The following ADRA1B variants were observed in gnomAD, a reference collection of about 807,000 sequenced individuals.
ADRA1B encodes alpha-1B adrenergic receptor.
ADRA1B carries 17 observed loss-of-function variants against 17.9 expected under a neutral mutation model. The observed-to-expected ratio is 0.95, with a 90% confidence interval of 0.65 to 1.42. The LOEUF (loss-of-function observed/expected upper bound fraction) is 1.42. ADRA1B is among the 40% of genes most tolerant of loss of function. ADRA1B has a pLI of 0.00. For missense variants in ADRA1B, 681 were observed against 722.1 expected (o/e 0.94, Z 0.65); for synonymous variants, 366 against 327.6 (o/e 1.12, Z -1.27).
the ADRA1B span, among the ~76,000 whole-genome samples, chr5:159,986,624 C>T: frequency 6.6e-6 from 1 of 152,138 alleles, no homozygotes; most frequent in African/African-American, 2.4e-5. Context: ...CCTCCAGCCC[C>T]GTCTAACGGA....
intron 1 of ADRA1B, among the ~76,000 whole-genome samples, chr5:159,941,823 C>CAAA (rs1397121454): frequency 1.3e-5 from 2 of 151,536 alleles, no homozygotes; most frequent in Non-Finnish European, 2.9e-5. Flanking sequence ...ACAAAATGTC[C>CAAA]AAAATAGGCA....
rs1029147300 is a variant in ADRA1B, at chr5:159,972,665, C to T, written c.*173C>T. On this transcript the variant is annotated 3_prime_UTR_variant, in exon 2 of 2. Coordinates refer to ENST00000306675, the MANE Select transcript of ADRA1B (RefSeq NM_000679.4). ...GCTTTTCTGGCAGGGGCATGGGTGC[C>T]AGGTACCACGCGGAAAGCCGGGCCG... The T allele has an allele frequency of 3.3e-5, 26 of 780,410 alleles. No homozygotes were observed. The highest frequency in any genetic ancestry group is 4.6e-5 in the Non-Finnish European group (25 of 538,648). 48.3% of individuals were successfully genotyped at this position (780,410 alleles called of 1,614,324 possible). A position where few individuals can be genotyped will look rare whatever the true frequency, so the allele number is the denominator to read the frequency against.
At chr5:159,920,206 A>T (rs896116531) in intron 1 of ADRA1B, among the ~76,000 whole-genome samples, 11 of 151,988 alleles carry the variant, frequency 7.2e-5, no homozygotes, top group African/African-American at 2.4e-4. Context: ...CTGGCCAGAA[A>T]ATTTCTCAGT....
At chr5:159,908,651 C>T (rs1754192824) in intron 1 of ADRA1B, among the ~76,000 whole-genome samples, 1 of 152,146 alleles carries the variant, frequency 6.6e-6, no homozygotes, top group South Asian at 2.1e-4. Flanking sequence ...TATAGACTAT[C>T]CAGCTTCATG....
chr5:159,949,148 C>G (rs958107651), intron 1 of ADRA1B, among the ~76,000 whole-genome samples: 2 of 152,174 alleles, frequency 1.3e-5, no homozygotes, highest in Admixed American at 6.5e-5. Context: ...AATCACCTTA[C>G]TCAATTACCC....
chr5:159,957,029 C>T (rs181618516), intron 1 of ADRA1B, among the ~76,000 whole-genome samples: 25 of 152,100 alleles, frequency 1.6e-4, no homozygotes, highest in Admixed American at 3.9e-4. Context: ...TGCACCACCA[C>T]GCCCAGGTAA....
chr5:159,909,922 A>T (rs1234317913), intron 1 of ADRA1B, among the ~76,000 whole-genome samples: 1 of 152,238 alleles, frequency 6.6e-6, no homozygotes, highest in East Asian at 1.9e-4. Flanking sequence ...TAAAGAACGT[A>T]TCCACAGCTG....
chr5:159,988,844 G>C, the ADRA1B span, among the ~76,000 whole-genome samples: 15 of 152,272 alleles, frequency 9.9e-5, no homozygotes, highest in Middle Eastern at 0.01. Context: ...GCCAGGTTTG[G>C]TGATATGCAC....
chr5:159,960,982 A>G (rs1398399085), intron 1 of ADRA1B, among the ~76,000 whole-genome samples: 1 of 152,222 alleles, frequency 6.6e-6, no homozygotes, highest in Non-Finnish European at 1.5e-5. Context: ...TAATCAGAGG[A>G]GATGAGAATA....
At chr5:159,934,538 C>T (rs1754901431) in intron 1 of ADRA1B, among the ~76,000 whole-genome samples, 1 of 152,030 alleles carries the variant, frequency 6.6e-6, no homozygotes, top group Non-Finnish European at 1.5e-5. Context: ...TGGTGGCTCA[C>T]TCCTATACTC....
At chr5:159,902,217 T>C (rs1754109516) in intron 1 of ADRA1B, among the ~76,000 whole-genome samples, 1 of 152,234 alleles carries the variant, frequency 6.6e-6, no homozygotes, top group Non-Finnish European at 1.5e-5. Flanking sequence ...GAGGACATTA[T>C]GCTAAGTTAA....
rs1419677254 is a variant in ADRA1B, at chr5:159,972,037, C to T, written c.1108C>T (p.Arg370Cys). The change falls in exon 2 of 2, where the codon CGC becomes TGC. Residue 370 changes from arginine (R) to cysteine (C), a missense_variant. Physicochemically the swap from Arg to Cys is radical, Grantham distance 180. This residue lies in a region of ADRA1B where 424 missense variants were observed against 480.2 expected (regional missense o/e 0.88). Coordinates refer to ENST00000306675, the MANE Select transcript of ADRA1B (RefSeq NM_000679.4). ...CATCCTCGGGTGCCAGTGCCGCGGC[C>T]GCGGCCGCCGCCGACGCCGCCGCCG... ...VRILGCQCRG[R>C]GRRRRRRRRR... is the part of the protein sequence containing the mutation. 5.8e-6 allele frequency: 8 copies of T among 1,383,992 alleles called. No homozygotes were observed. The highest frequency in any genetic ancestry group is 7.5e-6 in the Non-Finnish European group (8 of 1,068,512). 85.7% of individuals were successfully genotyped at this position (1,383,992 alleles called of 1,614,324 possible). A position where few individuals can be genotyped will look rare whatever the true frequency, so the allele number is the denominator to read the frequency against.
intron 1 of ADRA1B, among the ~76,000 whole-genome samples, chr5:159,872,635 T>C (rs1371586806): frequency 5.9e-5 from 9 of 152,196 alleles, no homozygotes; most frequent in Non-Finnish European, 1.2e-4. Flanking sequence ...CAGTCTTGCC[T>C]GGCTCTCACT....
chr5:159,893,668 C>T (rs181026998), intron 1 of ADRA1B, among the ~76,000 whole-genome samples: 10 of 152,284 alleles, frequency 6.6e-5, no homozygotes, highest in Non-Finnish European at 1.3e-4. Context: ...CTTTCTGCTG[C>T]GTGCAAGATG....
chr5:159,961,146 C>T (rs779340886), intron 1 of ADRA1B, among the ~76,000 whole-genome samples: 4 of 152,280 alleles, frequency 2.6e-5, no homozygotes, highest in African/African-American at 7.2e-5. Flanking sequence ...TATTATTAAA[C>T]GAGTAAAAAC....
chr5:159,916,747 C>G lies in ADRA1B; in HGVS notation c.-159C>G, dbSNP rs1273410916. ...CGACTCGGTGCAGGCAGGAGACGTG[C>G]TGCCGGGCTGGGCTGCCCGGGGGAG... is the stretch of plus-strand genomic sequence containing the variant. On this transcript the variant is annotated 5_prime_UTR_variant, in exon 1 of 2. Coordinates refer to ENST00000306675, the MANE Select transcript of ADRA1B (RefSeq NM_000679.4). 14 of 663,442 alleles carry G rather than the reference C, an allele frequency of 2.1e-5. No individual in the cohort carries two copies. Among genetic ancestry groups the G allele is most frequent in the Admixed American group, 3.0e-5 (1 of 33,800 alleles). The allele number at this position is 663,442 out of a possible 1,614,324, so 41.1% of individuals were successfully genotyped here. A position where few individuals can be genotyped will look rare whatever the true frequency, so the allele number is the denominator to read the frequency against.
At chr5:159,953,067 G>A (rs1755476859) in intron 1 of ADRA1B, among the ~76,000 whole-genome samples, 1 of 152,120 alleles carries the variant, frequency 6.6e-6, no homozygotes, top group Admixed American at 6.6e-5. Context: ...CTTTGAAAGT[G>A]ACAATGTCAA....
intron 1 of ADRA1B, among the ~76,000 whole-genome samples, chr5:159,967,763 C>T (rs950241782): frequency 1.3e-5 from 2 of 152,114 alleles, no homozygotes; most frequent in Non-Finnish European, 2.9e-5. Context: ...TGAGCCCAAA[C>T]CCAAAATGTG....
intron 1 of ADRA1B, among the ~76,000 whole-genome samples, chr5:159,969,701 C>T (rs1172303918): frequency 1.3e-5 from 2 of 152,146 alleles, no homozygotes; most frequent in East Asian, 3.9e-4. Flanking sequence ...AAATATGCCA[C>T]AAGCCAAGTG....
Sources: gnomAD v4.1 joint callset for allele counts (sites outside exome capture counted in the v4.1 genomes callset) on GRCh38, gnomAD v4.1.1 for gene constraint, gnomAD v4.1.1 regional missense constraint, MANE v1.5 for transcripts, NCBI Gene and HGNC (gene_info 2026-07-23, HGNC 2026-07-21) for gene names.